The following ST6GALNAC3 variants were observed in gnomAD, a reference collection of about 807,000 sequenced individuals.
The protein encoded by ST6GALNAC3 is alpha-N-acetylgalactosaminide alpha-2,6-sialyltransferase 3.
A neutral mutation model predicts 32.7 loss-of-function variants in ST6GALNAC3; 25 were observed. The observed-to-expected ratio is 0.76, with a 90% confidence interval of 0.56 to 1.07. The LOEUF is 1.07. Among genes scored for constraint, ST6GALNAC3 ranks in the 50% least tolerant of loss-of-function variants. ST6GALNAC3 has a pLI of 0.00. For missense variants in ST6GALNAC3, 355 were observed against 382.4 expected (o/e 0.93, Z 0.60); for synonymous variants, 129 against 133.1 (o/e 0.97, Z 0.21).
At chr1:76,563,209 G>A (rs370906401) in intron 3 of ST6GALNAC3, among the ~76,000 whole-genome samples, 1 of 152,160 alleles carries the variant, frequency 6.6e-6, no homozygotes, top group Non-Finnish European at 1.5e-5. Context: ...ATCTTGTTTG[G>A]CAACCCTCTC....
At chr1:76,328,318 G>T (rs1411374870) in intron 2 of ST6GALNAC3, among the ~76,000 whole-genome samples, 1 of 152,176 alleles carries the variant, frequency 6.6e-6, no homozygotes, top group African/African-American at 2.4e-5. Context: ...GAGAAGTAGA[G>T]GAGTTGAGAT....
At chr1:76,498,987 G>A (rs1406684263) in intron 3 of ST6GALNAC3, among the ~76,000 whole-genome samples, 3 of 151,878 alleles carry the variant, frequency 2.0e-5, no homozygotes, top group Non-Finnish European at 4.4e-5. Context: ...AACAAATAGG[G>A]GAGTAATTTA....
At chr1:76,595,761 T>C (rs1297686317) in intron 3 of ST6GALNAC3, among the ~76,000 whole-genome samples, 1 of 152,156 alleles carries the variant, frequency 6.6e-6, no homozygotes, top group African/African-American at 2.4e-5. Flanking sequence ...AGTGAAGTTA[T>C]AGATTTTAAA....
At chr1:76,161,463 T>G (rs1251308012) in intron 1 of ST6GALNAC3, among the ~76,000 whole-genome samples, 2 of 152,198 alleles carry the variant, frequency 1.3e-5, no homozygotes, top group African/African-American at 4.8e-5. Context: ...CAGTCCTTCA[T>G]CAAGAGCTGC....
At chr1:76,530,961 G>A (rs539304078) in intron 3 of ST6GALNAC3, among the ~76,000 whole-genome samples, 2 of 152,204 alleles carry the variant, frequency 1.3e-5, no homozygotes, top group Non-Finnish European at 2.9e-5. Context: ...TATCCTCGTA[G>A]CTAATTCATG....
chr1:76,117,463 T>C (rs1370344405), intron 1 of ST6GALNAC3, among the ~76,000 whole-genome samples: 1 of 152,230 alleles, frequency 6.6e-6, no homozygotes. Context: ...TCCACTCAGG[T>C]TTTATTTCTT....
chr1:76,249,378 T>G (rs1042437934), intron 1 of ST6GALNAC3, among the ~76,000 whole-genome samples: 1 of 152,190 alleles, frequency 6.6e-6, no homozygotes, highest in African/African-American at 2.4e-5. Context: ...ATTTTAATTT[T>G]GTGATTTTGT....
At chr1:76,405,685 A>T (rs900373489) in intron 2 of ST6GALNAC3, among the ~76,000 whole-genome samples, 1 of 151,754 alleles carries the variant, frequency 6.6e-6, no homozygotes, top group Non-Finnish European at 1.5e-5. Context: ...TACCAATTTA[A>T]AGAGAAAAGT....
At chr1:76,590,915 T>G (rs1301908874) in intron 3 of ST6GALNAC3, among the ~76,000 whole-genome samples, 3 of 152,212 alleles carry the variant, frequency 2.0e-5, no homozygotes, top group Non-Finnish European at 4.4e-5. Flanking sequence ...TCAATAAATA[T>G]GCATTGAGAG....
chr1:76,529,999 C>T (rs1663154444), intron 3 of ST6GALNAC3, among the ~76,000 whole-genome samples: 2 of 152,164 alleles, frequency 1.3e-5, no homozygotes, highest in Admixed American at 6.6e-5. Context: ...GCTGGTTTCA[C>T]CCTCTGAGAG....
At position 76,161,066 on chromosome 1, in the gene ST6GALNAC3, C is replaced by G. The variant is rs79798181; in HGVS notation, c.18+86182C>G. 8.5e-5 allele frequency among the ~76,000 whole-genome samples: 13 copies of G among 152,282 alleles called. No homozygotes were observed. The East Asian group carries it at 2.5e-3, about 29-fold the overall frequency. On this transcript the variant is annotated intron_variant, in intron 1 of 4. Coordinates refer to ENST00000328299, the MANE Select transcript of ST6GALNAC3 (RefSeq NM_152996.4). Reference sequence around the variant, plus strand: ...TAACCTTGATTAATAATTGATAACTCTTTCTGTAGAGATGGGCCGGTGACC... The same window carrying G: ...TAACCTTGATTAATAATTGATAACTGTTTCTGTAGAGATGGGCCGGTGACC...
rs376599589 is a variant in ST6GALNAC3, at chr1:76,412,215, G to A, written c.421G>A (p.Asp141Asn). 1 of 1,613,700 alleles carries A rather than the reference G, an allele frequency of 6.2e-7. No homozygotes were observed. Among genetic ancestry groups the A allele is most frequent in the Non-Finnish European group, 8.5e-7 (1 of 1,179,812 alleles). Residue 141 changes from aspartate to asparagine, a missense_variant, in exon 3 of 5, where the codon GAT becomes AAT. Asp to Asn is a conservative substitution (Grantham distance 23). Coordinates refer to ENST00000328299, the MANE Select transcript of ST6GALNAC3 (RefSeq NM_152996.4). ...TSVPLLLKNP[D>N]YFFKEANTTI... Reference sequence around the variant, plus strand: ...CGTTCCTCTTTTGCTAAAAAACCCTGATTATTTTTTCAAGGAAGCGAATAC... The same window carrying A: ...CGTTCCTCTTTTGCTAAAAAACCCTAATTATTTTTTCAAGGAAGCGAATAC...
intron 3 of ST6GALNAC3, among the ~76,000 whole-genome samples, chr1:76,559,593 G>A (rs1665127392): frequency 6.6e-6 from 1 of 152,102 alleles, no homozygotes; most frequent in Admixed American, 6.6e-5. Flanking sequence ...CAGGACTTGG[G>A]GTGGAGCAAG....
intron 3 of ST6GALNAC3, among the ~76,000 whole-genome samples, chr1:76,499,708 C>T (rs1366609824): frequency 6.6e-6 from 1 of 152,080 alleles, no homozygotes; most frequent in Non-Finnish European, 1.5e-5. Flanking sequence ...GAACCTCCCT[C>T]TTAGTGTGCA....
intron 1 of ST6GALNAC3, among the ~76,000 whole-genome samples, chr1:76,141,830 T>G (rs2100283563): frequency 6.6e-6 from 1 of 151,738 alleles, no homozygotes; most frequent in East Asian, 2.0e-4. Flanking sequence ...GGAGAGGCTC[T>G]GCAAGCCACC....
chr1:76,326,770 T>A (rs764530070), intron 2 of ST6GALNAC3, among the ~76,000 whole-genome samples: 6 of 151,902 alleles, frequency 3.9e-5, no homozygotes, highest in African/African-American at 9.7e-5. Flanking sequence ...TTATATATGT[T>A]TTCCTGCATT....
At chr1:76,211,923 C>G (rs1363124082) in intron 1 of ST6GALNAC3, among the ~76,000 whole-genome samples, 1 of 152,190 alleles carries the variant, frequency 6.6e-6, no homozygotes, top group African/African-American at 2.4e-5. Context: ...TACCCTAAAA[C>G]TTAAAGTATA....
At chr1:76,300,299 A>G (rs1281903615) in intron 1 of ST6GALNAC3, among the ~76,000 whole-genome samples, 1 of 151,998 alleles carries the variant, frequency 6.6e-6, no homozygotes, top group Non-Finnish European at 1.5e-5. Flanking sequence ...GTCTAAAGGC[A>G]TGCCTAACTC....
chr1:76,590,071 C>T (rs1005454925), intron 3 of ST6GALNAC3, among the ~76,000 whole-genome samples: 4 of 152,094 alleles, frequency 2.6e-5, no homozygotes, highest in Admixed American at 6.6e-5. Flanking sequence ...TGGCAAGTGG[C>T]CTTGAAAATG....
Sources: allele counts gnomAD v4.1 joint callset (sites outside exome capture counted in the v4.1 genomes callset), GRCh38; gene constraint gnomAD v4.1.1; transcripts MANE v1.5; gene names NCBI Gene and HGNC (gene_info 2026-07-23, HGNC 2026-07-21).